UBR1: variants seen among roughly 807,000 people sequenced by gnomAD.
UBR1 encodes the protein E3 ubiquitin-protein ligase UBR1.
A neutral mutation model predicts 242.1 loss-of-function variants in UBR1; 102 were observed. The ratio of observed to expected loss-of-function variants is 0.42; its 90% confidence interval spans 0.36 to 0.50. The LOEUF is 0.50. UBR1 is among the 20% of genes least tolerant of loss of function. UBR1 has a pLI of 0.01. For synonymous variants in UBR1, 675 were observed against 684.8 expected, an observed-to-expected ratio of 0.99 and a Z score of 0.22; for missense variants, 1,772 against 2,101.8, an observed-to-expected ratio of 0.84 and a Z score of 3.07.
intron 33 of UBR1, among the ~76,000 whole-genome samples, chr15:42,996,079 C>T (rs2032633472): frequency 6.6e-6 from 1 of 152,174 alleles, no homozygotes; most frequent in Non-Finnish European, 1.5e-5. Context: ...TTATCCCTAC[C>T]ACACATCCAA....
At chr15:43,032,981 T>C (rs1308374640) in intron 19 of UBR1, among the ~76,000 whole-genome samples, 2 of 152,188 alleles carry the variant, frequency 1.3e-5, no homozygotes, top group African/African-American at 4.8e-5. Context: ...CCAACAGTTA[T>C]ATGGTGAGAG....
intron 44 of UBR1, among the ~76,000 whole-genome samples, chr15:42,957,031 AGAAAT>A (rs1318569746): frequency 1.1e-4 from 16 of 152,228 alleles, no homozygotes; most frequent in African/African-American, 3.9e-4. Flanking sequence ...TACATCCAAA[AGAAAT>A]GAAAACTTTA....
At chr15:43,039,555 C>T (rs961739773) in intron 15 of UBR1, among the ~76,000 whole-genome samples, 1 of 152,210 alleles carries the variant, frequency 6.6e-6, no homozygotes, top group South Asian at 2.1e-4. Context: ...CTGAAGTTGC[C>T]TATCAGCTTA....
intron 28 of UBR1, among the ~76,000 whole-genome samples, chr15:43,016,519 G>A (rs576261047): frequency 1.3e-5 from 2 of 152,194 alleles, no homozygotes; most frequent in Admixed American, 6.5e-5. Flanking sequence ...GTCATTTATT[G>A]TGAGACATAT....
At position 43,015,842 on chromosome 15, in the gene UBR1, G is replaced by C. The variant is rs267604210; in HGVS notation, c.3055C>G (p.Arg1019Gly). 3.1e-6 allele frequency: 5 copies of C among 1,613,860 alleles called. No individual in the cohort carries two copies. The highest frequency in any genetic ancestry group is 4.2e-6 in the Non-Finnish European group (5 of 1,179,982). The part of the protein sequence containing the change: ...EITHDKEKAE[R>G]KRKAEAARLH... ...CTAGCAGCTTCAGCTTTTCTTTTTC[G>C]TTCTGCTTTTTCTTTATCATGAGTA... Residue 1019 changes from arginine (R) to glycine (G), a missense_variant, in exon 29 of 47, where the codon CGA becomes GGA. Physicochemically the swap from Arg to Gly is moderately radical, Grantham distance 125 (BLOSUM62 -2). Around this residue, in one of 3 missense-constraint regions of UBR1, gnomAD observed 965 missense variants for 1,079.7 expected, o/e 0.89. Coordinates refer to ENST00000290650, the MANE Select transcript of UBR1 (RefSeq NM_174916.3).
chr15:43,014,092 C>G (rs530743953), intron 29 of UBR1, among the ~76,000 whole-genome samples: 2 of 152,258 alleles, frequency 1.3e-5, no homozygotes, highest in African/African-American at 4.8e-5. Flanking sequence ...CTGTGTTGGC[C>G]GGGCTGGTCT....
intron 1 of UBR1, chr15:43,091,888 T>C: frequency 3.2e-6 from 1 of 317,200 alleles, no homozygotes; most frequent in Non-Finnish European, 5.7e-6. Flanking sequence ...GCTGAGATCA[T>C]GCCACTGTAC....
At chr15:43,043,423 T>G in intron 14 of UBR1, 28 bp from the exon 15 acceptor site, 1 of 1,610,976 alleles carries the variant, frequency 6.2e-7, no homozygotes, top group Non-Finnish European at 8.5e-7. Context: ...TACAAAAAGT[T>G]GACAAGTTTT....
chr15:43,054,724 T>C lies in UBR1; in HGVS notation c.1439+18A>G. 1.2e-6 allele frequency: 2 copies of C among 1,613,994 alleles called. No individual in the cohort carries two copies. The highest frequency in any genetic ancestry group is 2.2e-5 in the South Asian group (2 of 91,058). Reference sequence around the variant, plus strand: ...TGAGTTTAACAGGTGCCCTCACCTTTTGACTTGAACAACTTACTTTAGGTC... The same window carrying C: ...TGAGTTTAACAGGTGCCCTCACCTTCTGACTTGAACAACTTACTTTAGGTC... On this transcript the variant is annotated intron_variant, in intron 12 of 46. Transcript: ENST00000290650.
rs764987475 is a variant in UBR1, at chr15:42,944,360, A to G, written c.*969T>C. On this transcript the variant is annotated 3_prime_UTR_variant, in exon 47 of 47. Transcript: ENST00000290650. ...CTAGTCATAAAACCAGAGTTTATGA[A>G]AAGGTTGCACACAGACAACATCAAG... is the stretch of plus-strand genomic sequence containing the variant. The G allele has an allele frequency of 6.6e-6, 1 of 152,606 alleles. No homozygotes were observed. The allele number at this position is 152,606 out of a possible 1,614,324, so 9.5% of individuals were successfully genotyped here.
chr15:43,043,165 C>T (rs2033440634), intron 15 of UBR1, 50 bp downstream of exon 15: 1 of 1,597,002 alleles, frequency 6.3e-7, no homozygotes, highest in South Asian at 1.1e-5. Flanking sequence ...AAATGAATAC[C>T]TAGAAAGAAA....
intron 10 of UBR1, among the ~76,000 whole-genome samples, chr15:43,057,243 G>A (rs2033629874): frequency 6.6e-6 from 1 of 152,166 alleles, no homozygotes; most frequent in South Asian, 2.1e-4. Flanking sequence ...CACTGCTGAA[G>A]GATAAGACAT....
At chr15:43,023,796 T>G (rs958932203) in intron 25 of UBR1, among the ~76,000 whole-genome samples, 2 of 152,132 alleles carry the variant, frequency 1.3e-5, no homozygotes, top group African/African-American at 4.8e-5. Flanking sequence ...ATAACATTTT[T>G]GGAGGCCAAT....
At chr15:43,024,150 T>C (rs1458478055) in intron 25 of UBR1, among the ~76,000 whole-genome samples, 1 of 152,244 alleles carries the variant, frequency 6.6e-6, no homozygotes, top group African/African-American at 2.4e-5. Context: ...CATATCTCTA[T>C]GGTTTGAAAT....
intron 15 of UBR1, among the ~76,000 whole-genome samples, chr15:43,039,712 T>C (rs922775494): frequency 6.6e-5 from 10 of 152,188 alleles, no homozygotes; most frequent in African/African-American, 2.4e-4. Flanking sequence ...CTTCCAACAC[T>C]ATGTTGAATA....
chr15:43,031,869 T>C (rs558641063), intron 20 of UBR1, among the ~76,000 whole-genome samples: 3 of 151,974 alleles, frequency 2.0e-5, no homozygotes, highest in African/African-American at 7.2e-5. Flanking sequence ...AAAAAATATA[T>C]ACATATATAC....
At chr15:43,037,061 T>C (rs946339856) in intron 17 of UBR1, among the ~76,000 whole-genome samples, 1 of 152,006 alleles carries the variant, frequency 6.6e-6, no homozygotes, top group African/African-American at 2.4e-5. Context: ...TTTTAAGAAA[T>C]GCAAGGGCAG....
chr15:42,973,885 GTTT>G (rs1174730906), intron 39 of UBR1, among the ~76,000 whole-genome samples: 1 of 120,246 alleles, frequency 8.3e-6, no homozygotes, highest in Non-Finnish European at 1.7e-5. Flanking sequence ...ACTTGTAGGA[GTTT>G]TTTTTTTTTT....
chr15:42,960,226 G>A (rs1332908011), intron 43 of UBR1, among the ~76,000 whole-genome samples: 1 of 152,074 alleles, frequency 6.6e-6, no homozygotes, highest in Admixed American at 6.6e-5. Flanking sequence ...TAGTTTCTAA[G>A]GACACAGGAA....
Sources: allele counts gnomAD v4.1 joint callset (sites outside exome capture counted in the v4.1 genomes callset), GRCh38; gene constraint gnomAD v4.1.1; regional missense constraint gnomAD v4.1.1; transcripts MANE v1.5; gene names NCBI Gene and HGNC (gene_info 2026-07-23, HGNC 2026-07-21).